CSMD1: variants seen among roughly 807,000 people sequenced by gnomAD.
CSMD1 encodes CUB and sushi domain-containing protein 1.
Under a neutral mutation model 417.5 loss-of-function variants are expected in CSMD1, and 213 were observed. The observed-to-expected ratio is 0.51, with a 90% CI of 0.46 to 0.57. The LOEUF is 0.57. CSMD1 is among the 20% of genes least tolerant of loss of function. CSMD1 has a pLI of 0.00. For synonymous variants in CSMD1, 2,862 were observed against 1,736.8 expected, an observed-to-expected ratio of 1.65 and a Z score of -16.11; for missense variants, 6,923 against 4,529.7, an observed-to-expected ratio of 1.53 and a Z score of -15.17.
At chr8:3,851,997 G>A (rs2930358) in intron 5 of CSMD1, among the ~76,000 whole-genome samples, 29,116 of 152,038 alleles carry the variant, frequency 0.19, 3,071 homozygotes, top group African/African-American at 0.29. Flanking sequence ...AGAGCATGGA[G>A]GGGCTGCAAT....
intron 39 of CSMD1, 69 bp from the exon 40 acceptor site, chr8:3,151,582 C>T (rs1018298719): frequency 1.1e-6 from 1 of 921,456 alleles, no homozygotes; most frequent in African/African-American, 1.6e-5. Context: ...CTCCAACCTG[C>T]TTCACTCAAC....
intron 2 of CSMD1, among the ~76,000 whole-genome samples, chr8:4,478,971 T>A (rs1022998669): frequency 4.6e-5 from 7 of 152,126 alleles, no homozygotes; most frequent in African/African-American, 1.7e-4. Context: ...AGTTTATTAA[T>A]TCCCCCAAAA....
chr8:4,132,091 A>G (rs1002091765), intron 3 of CSMD1, among the ~76,000 whole-genome samples: 1 of 152,146 alleles, frequency 6.6e-6, no homozygotes, highest in African/African-American at 2.4e-5. Flanking sequence ...AAACAGGTAA[A>G]GAATCACATA....
chr8:3,944,918 C>T (rs185626516), intron 5 of CSMD1, among the ~76,000 whole-genome samples: 2 of 152,140 alleles, frequency 1.3e-5, no homozygotes, highest in Non-Finnish European at 2.9e-5. Context: ...TGTTTCTGAA[C>T]GCTGTCTCTC....
chr8:4,254,501 A>G (rs1803310405), intron 3 of CSMD1, among the ~76,000 whole-genome samples: 1 of 152,284 alleles, frequency 6.6e-6, no homozygotes, highest in South Asian at 2.1e-4. Flanking sequence ...ACTTTTTTAT[A>G]CAAATAAATT....
intron 2 of CSMD1, among the ~76,000 whole-genome samples, chr8:4,423,051 C>T (rs1445009066): frequency 6.6e-6 from 1 of 151,656 alleles, no homozygotes; most frequent in Admixed American, 6.6e-5. Flanking sequence ...AATATCTCTA[C>T]AAAAATAAAA....
chr8:3,053,571 G>T (rs796647936), intron 49 of CSMD1, among the ~76,000 whole-genome samples: 1 of 152,146 alleles, frequency 6.6e-6, no homozygotes, highest in Non-Finnish European at 1.5e-5. Context: ...ATCTAGTGGG[G>T]ATGTGGACCG....
chr8:4,975,199 C>G (rs1810479906), intron 1 of CSMD1, among the ~76,000 whole-genome samples: 1 of 152,182 alleles, frequency 6.6e-6, no homozygotes, highest in Admixed American at 6.5e-5. Flanking sequence ...ACCACGGTGA[C>G]TTTTCTTTCC....
intron 1 of CSMD1, among the ~76,000 whole-genome samples, chr8:4,712,740 A>G (rs557616914): frequency 5.9e-5 from 9 of 152,134 alleles, no homozygotes; most frequent in Non-Finnish European, 1.0e-4. Context: ...TTGTGATATT[A>G]AAGGTGTTTT....
chr8:4,765,417 T>C (rs1459755455), intron 1 of CSMD1, among the ~76,000 whole-genome samples: 1 of 152,250 alleles, frequency 6.6e-6, no homozygotes, highest in Non-Finnish European at 1.5e-5. Context: ...TCTTTCAAGA[T>C]AATTCACTGT....
At chr8:3,647,648 C>A (rs961047566) in intron 7 of CSMD1, among the ~76,000 whole-genome samples, 1 of 152,102 alleles carries the variant, frequency 6.6e-6, no homozygotes, top group African/African-American at 2.4e-5. Context: ...TTAAAGCATT[C>A]AAACAAATTT....
intron 1 of CSMD1, among the ~76,000 whole-genome samples, chr8:4,831,496 T>A (rs1466041227): frequency 6.6e-6 from 1 of 152,226 alleles, no homozygotes. Context: ...TTTGTCAAGA[T>A]GCTGCTCATT....
At chr8:4,515,705 TG>T (rs1803079872) in intron 2 of CSMD1, among the ~76,000 whole-genome samples, 2 of 152,136 alleles carry the variant, frequency 1.3e-5, no homozygotes, top group Non-Finnish European at 2.9e-5. Flanking sequence ...CCTGCAGTGC[TG>T]GGGTGAATGC....
chr8:3,138,329 G>C (rs549425130), intron 41 of CSMD1, among the ~76,000 whole-genome samples: 3 of 152,332 alleles, frequency 2.0e-5, no homozygotes, highest in Admixed American at 2.0e-4. Context: ...TAGATACTCA[G>C]GGATCCAGAT....
intron 1 of CSMD1, among the ~76,000 whole-genome samples, chr8:4,819,760 G>A (rs1439823258): frequency 6.6e-6 from 1 of 152,022 alleles, no homozygotes; most frequent in Non-Finnish European, 1.5e-5. Context: ...GAGGGACCTG[G>A]CTGCTTTTCC....
At chr8:4,919,972 AG>A (rs1806327600) in intron 1 of CSMD1, among the ~76,000 whole-genome samples, 1 of 152,190 alleles carries the variant, frequency 6.6e-6, no homozygotes, top group African/African-American at 2.4e-5. Flanking sequence ...TGGACTTCCC[AG>A]CCTCCAGAAC....
intron 5 of CSMD1, among the ~76,000 whole-genome samples, chr8:3,997,015 C>G (rs1815271461): frequency 6.6e-6 from 1 of 152,192 alleles, no homozygotes; most frequent in Non-Finnish European, 1.5e-5. Flanking sequence ...TCCCCTCTTC[C>G]TACTCATAAA....
intron 3 of CSMD1, among the ~76,000 whole-genome samples, chr8:4,087,979 T>C (rs990292559): frequency 6.6e-6 from 1 of 152,146 alleles, no homozygotes; most frequent in Non-Finnish European, 1.5e-5. Context: ...AAAAGCTCAC[T>C]TGACCTCTGA....
chr8:4,397,789 C>G (rs1237604176), intron 3 of CSMD1, among the ~76,000 whole-genome samples: 1 of 151,982 alleles, frequency 6.6e-6, no homozygotes, highest in South Asian at 2.1e-4. Flanking sequence ...TGACATGTAT[C>G]TCAATATTAC....
Sources: allele counts gnomAD v4.1 joint callset (sites outside exome capture counted in the v4.1 genomes callset), GRCh38; gene constraint gnomAD v4.1.1; transcripts MANE v1.5; gene names NCBI Gene and HGNC (gene_info 2026-07-23, HGNC 2026-07-21).